Variants in KIFAP3 observed in about 807,000 individuals in gnomAD.
KIFAP3 encodes the protein kinesin-associated protein 3.
A neutral mutation model predicts 106.5 loss-of-function variants in KIFAP3; 68 were observed. That is an observed-to-expected ratio of 0.64 (90% CI 0.53 to 0.78). KIFAP3 has a LOEUF of 0.78. Among genes scored for constraint, KIFAP3 ranks in the 30% least tolerant of loss-of-function variants. KIFAP3 has a pLI of 0.00. For synonymous variants in KIFAP3, 320 were observed against 311.5 expected, an observed-to-expected ratio of 1.03 and a Z score of -0.29; for missense variants, 780 against 941.8, an observed-to-expected ratio of 0.83 and a Z score of 2.25.
chr1:169,949,330 C>T (rs1351678123), intron 19 of KIFAP3, among the ~76,000 whole-genome samples: 1 of 151,922 alleles, frequency 6.6e-6, no homozygotes, highest in Non-Finnish European at 1.5e-5. Flanking sequence ...TTGTCTTTGA[C>T]CCCACTGAAA....
rs555541931 is a variant in KIFAP3 at position 170,074,665 on chromosome 1, T to G, written c.-198A>C. On this transcript the variant is annotated 5_prime_UTR_variant, in exon 1 of 20. Transcript: ENST00000361580. ...CCACAGCTTCTGTGCCCCAAAACAC[T>G]GGAGCGGCCCAGACCCGCCCAGAGT... is the stretch of plus-strand genomic sequence containing the variant. 6.9e-6 allele frequency: 10 copies of G among 1,449,526 alleles called. No homozygotes were observed. Among genetic ancestry groups the G allele is most frequent in the Non-Finnish European group, 9.1e-6 (10 of 1,100,762 alleles). The allele number at this position is 1,449,526 out of a possible 1,614,324, so 89.8% of individuals were successfully genotyped here.
At chr1:169,979,662 C>T (rs1666407274) in intron 15 of KIFAP3, among the ~76,000 whole-genome samples, 1 of 152,074 alleles carries the variant, frequency 6.6e-6, no homozygotes, top group Non-Finnish European at 1.5e-5. Context: ...AAAATTGCAG[C>T]TCTCTTACAC....
At chr1:170,061,773 T>A (rs1305922038) in intron 1 of KIFAP3, among the ~76,000 whole-genome samples, 3 of 152,154 alleles carry the variant, frequency 2.0e-5, no homozygotes, top group Admixed American at 6.5e-5. Context: ...CAAATGTCTA[T>A]CAATGATAGA....
rs71125221 is a variant in KIFAP3, at chr1:170,021,941, C to CTTT, written c.1020+2474_1020+2476dup. On this transcript the variant is annotated intron_variant, in intron 9 of 19. Transcript: ENST00000361580. ...TCAGGTCTATTTCTTTCTTTTCTTTCTTTTTTTTTTTTTTTTTTTTTTTTT... is the reference window on the plus strand; with the variant it reads ...TCAGGTCTATTTCTTTCTTTTCTTTCTTTTTTTTTTTTTTTTTTTTTTTTTTTT... Among the ~76,000 whole-genome samples the CTTT allele has an allele frequency of 2.2e-3, 172 of 77,898 alleles. 14 individuals are homozygous for CTTT. The highest frequency in any genetic ancestry group is 6.9e-3 in the African/African-American group (146 of 21,020). The allele number at this position is 77,898 out of a possible 152,430, so 51.1% of individuals were successfully genotyped here. A position where few individuals can be genotyped will look rare whatever the true frequency, so the allele number is the denominator to read the frequency against.
intron 2 of KIFAP3, among the ~76,000 whole-genome samples, chr1:170,054,540 C>A (rs1670742720): frequency 6.6e-6 from 1 of 152,134 alleles, no homozygotes; most frequent in African/African-American, 2.4e-5. Flanking sequence ...TTTACAATAG[C>A]AAAGACTTGG....
Position 169,969,855 on chromosome 1 carries a change from TA to T in KIFAP3, c.1983+2657del, listed in dbSNP as rs574009861. On this transcript the variant is annotated intron_variant, in intron 17 of 19. Transcript: ENST00000361580. ...TCAGTGTTCTCTGGGGTCTAGATTG[TA>T]AATTTTTATATTAAGGAACTTTGTA... is the stretch of plus-strand genomic sequence containing the variant. Among the ~76,000 whole-genome samples, 560 of 152,124 alleles carry T rather than the reference TA, an allele frequency of 3.7e-3. 2 individuals are homozygous for T. Among genetic ancestry groups the T allele is most frequent in the African/African-American group, 0.013 (523 of 41,536 alleles).
chr1:170,045,198 A>C (rs976774451), intron 3 of KIFAP3, among the ~76,000 whole-genome samples: 3 of 152,148 alleles, frequency 2.0e-5, no homozygotes, highest in Non-Finnish European at 4.4e-5. Context: ...CCTCGGAAAG[A>C]CTAGCCTTCC....
chr1:170,059,562 T>C (rs1311359777), intron 1 of KIFAP3, among the ~76,000 whole-genome samples: 2 of 152,132 alleles, frequency 1.3e-5, no homozygotes, highest in Non-Finnish European at 2.9e-5. Flanking sequence ...ACCAGATGGA[T>C]TCACAGCCGA....
At chr1:169,983,792 T>A (rs1666651455) in intron 12 of KIFAP3, among the ~76,000 whole-genome samples, 1 of 151,876 alleles carries the variant, frequency 6.6e-6, no homozygotes, top group Non-Finnish European at 1.5e-5. Flanking sequence ...GAATTTATCC[T>A]AACAATATAA....
At chr1:170,018,445 A>G (rs1668631890) in intron 9 of KIFAP3, among the ~76,000 whole-genome samples, 1 of 152,188 alleles carries the variant, frequency 6.6e-6, no homozygotes, top group South Asian at 2.1e-4. Flanking sequence ...TTAAGGTAGC[A>G]ATCGGAAAAC....
intron 8 of KIFAP3, among the ~76,000 whole-genome samples, chr1:170,031,106 C>T (rs16862963): frequency 0.088 from 13,407 of 151,680 alleles, 1,551 homozygotes; most frequent in African/African-American, 0.26. Context: ...AGATCTGATG[C>T]ATTTTGGATT....
intron 10 of KIFAP3, among the ~76,000 whole-genome samples, chr1:169,998,892 A>G (rs1262938123): frequency 6.6e-6 from 1 of 152,216 alleles, no homozygotes; most frequent in African/African-American, 2.4e-5. Flanking sequence ...ACTTCACGGC[A>G]TCTAGCAGAT....
At chr1:170,046,303 CACTT>C (rs1418685225) in intron 3 of KIFAP3, among the ~76,000 whole-genome samples, 1 of 142,102 alleles carries the variant, frequency 7.0e-6, no homozygotes, top group African/African-American at 2.6e-5. Context: ...TATATTTTAA[CACTT>C]ACATAATCCA....
chr1:170,001,980 A>C (rs1412886491), intron 10 of KIFAP3, among the ~76,000 whole-genome samples: 1 of 152,164 alleles, frequency 6.6e-6, no homozygotes, highest in African/African-American at 2.4e-5. Flanking sequence ...GAAAAATTTC[A>C]AAGGTGTTCA....
At chr1:170,053,506 A>G (rs1247282444) in intron 2 of KIFAP3, among the ~76,000 whole-genome samples, 2 of 152,156 alleles carry the variant, frequency 1.3e-5, no homozygotes, top group Non-Finnish European at 2.9e-5. Context: ...GAACAAAAAA[A>G]GAGCCCATAT....
intron 2 of KIFAP3, among the ~76,000 whole-genome samples, chr1:170,051,754 TA>T (rs552818394): frequency 3.3e-5 from 5 of 152,032 alleles, no homozygotes; most frequent in African/African-American, 1.2e-4. Context: ...GCTGGGTAAA[TA>T]AAAAAATTAA....
At chr1:169,946,362 C>G (rs1432333760) in intron 19 of KIFAP3, among the ~76,000 whole-genome samples, 1 of 134,258 alleles carries the variant, frequency 7.4e-6, no homozygotes, top group Admixed American at 7.4e-5. Flanking sequence ...TAAACCATGT[C>G]AAATGTATTA....
chr1:169,965,685 A>T (rs1252721225), intron 17 of KIFAP3, among the ~76,000 whole-genome samples: 1 of 152,046 alleles, frequency 6.6e-6, no homozygotes, highest in Middle Eastern at 3.2e-3. Context: ...ATGTGTAACA[A>T]AGAAGTTTCT....
intron 3 of KIFAP3, among the ~76,000 whole-genome samples, chr1:170,046,235 CAG>C (rs1361833231): frequency 1.5e-5 from 1 of 64,548 alleles, no homozygotes; most frequent in African/African-American, 6.5e-5. Flanking sequence ...AAAAAGGAAA[CAG>C]AGAAAATAAA....
Sources: allele counts gnomAD v4.1 joint callset (sites outside exome capture counted in the v4.1 genomes callset), GRCh38; gene constraint gnomAD v4.1.1; transcripts MANE v1.5; gene names NCBI Gene and HGNC (gene_info 2026-07-23, HGNC 2026-07-21).